Variants in MEF2C observed in about 807,000 individuals in gnomAD.
The protein encoded by MEF2C is myocyte-specific enhancer factor 2C.
Under a neutral mutation model 50.5 loss-of-function variants are expected in MEF2C, and 6 were observed. The observed-to-expected ratio is 0.12, with a 90% CI of 0.07 to 0.23. The LOEUF is 0.23. Ranked by LOEUF, MEF2C falls within the 10% of genes least tolerant of loss-of-function variation. MEF2C has a pLI of 1.00. For missense variants in MEF2C, 276 were observed against 605.0 expected (o/e 0.46, Z 5.70); for synonymous variants, 183 against 228.0 (o/e 0.80, Z 1.78).
intron 1 of MEF2C, among the ~76,000 whole-genome samples, chr5:88,866,179 A>G (rs1827308793): frequency 6.6e-6 from 1 of 152,216 alleles, no homozygotes; most frequent in Non-Finnish European, 1.5e-5. Flanking sequence ...TACAGGAGTG[A>G]GCCACCGCGC....
At chr5:88,829,768 T>C (rs1812328440) in intron 1 of MEF2C, among the ~76,000 whole-genome samples, 1 of 152,024 alleles carries the variant, frequency 6.6e-6, no homozygotes. Flanking sequence ...AATTCTAGCT[T>C]GGTACTTGGA....
At chr5:88,896,623 G>A (rs1274308111) in intron 1 of MEF2C, among the ~76,000 whole-genome samples, 4 of 152,064 alleles carry the variant, frequency 2.6e-5, no homozygotes, top group Admixed American at 2.0e-4. Flanking sequence ...TTTAAATAAA[G>A]AGTATCCATA....
chr5:88,742,880 G>T (rs1346112039), intron 6 of MEF2C: 16 of 984,750 alleles, frequency 1.6e-5, no homozygotes, highest in Non-Finnish European at 1.8e-5. Context: ...TATCTAATTT[G>T]AGGACTAGGT....
intron 3 of MEF2C, among the ~76,000 whole-genome samples, chr5:88,799,548 A>T (rs1434853512): frequency 6.6e-6 from 1 of 152,216 alleles, no homozygotes; most frequent in Non-Finnish European, 1.5e-5. Context: ...CTTTTCAACA[A>T]AAATTGTATT....
At chr5:88,900,128 C>A (rs973809592) in intron 1 of MEF2C, among the ~76,000 whole-genome samples, 3 of 151,982 alleles carry the variant, frequency 2.0e-5, no homozygotes, top group African/African-American at 7.2e-5. Flanking sequence ...AGTTTCTTTT[C>A]TGGAGATCCA....
At chr5:88,767,685 T>C (rs1211451485) in intron 3 of MEF2C, among the ~76,000 whole-genome samples, 1 of 152,218 alleles carries the variant, frequency 6.6e-6, no homozygotes, top group East Asian at 1.9e-4. Flanking sequence ...TTTATATGCT[T>C]CCTCAAAAGA....
intron 1 of MEF2C, among the ~76,000 whole-genome samples, chr5:88,843,800 T>A (rs2153347239): frequency 6.7e-6 from 1 of 148,548 alleles, no homozygotes; most frequent in East Asian, 2.0e-4. Context: ...TTTGTTCCTG[T>A]GAAACTTTTT....
intron 2 of MEF2C, among the ~76,000 whole-genome samples, chr5:88,818,049 AC>A (rs1318100825): frequency 2.0e-5 from 3 of 152,112 alleles, no homozygotes; most frequent in Non-Finnish European, 2.9e-5. Context: ...AAGGATGACT[AC>A]AGTTAATATA....
At chr5:88,866,067 T>G (rs1827266670) in intron 1 of MEF2C, among the ~76,000 whole-genome samples, 1 of 152,082 alleles carries the variant, frequency 6.6e-6, no homozygotes, top group African/African-American at 2.4e-5. Flanking sequence ...GGCTAATTTT[T>G]TGTATTTTTT....
chr5:88,854,833 C>G (rs1399214535), intron 1 of MEF2C, among the ~76,000 whole-genome samples: 10 of 152,140 alleles, frequency 6.6e-5, no homozygotes, highest in African/African-American at 2.4e-4. Context: ...TTACTGAAGT[C>G]ACAAAAGTTG....
intron 5 of MEF2C, chr5:88,750,111 C>T: frequency 1.2e-6 from 1 of 839,176 alleles, no homozygotes; most frequent in African/African-American, 1.8e-5. Flanking sequence ...TCTAGATTTT[C>T]TAATTGCCTC....
intron 1 of MEF2C, among the ~76,000 whole-genome samples, chr5:88,849,615 C>A (rs1820567667): frequency 6.6e-6 from 1 of 152,140 alleles, no homozygotes; most frequent in South Asian, 2.1e-4. Flanking sequence ...CTGTTTCAGG[C>A]AAATGAATCT....
intron 3 of MEF2C, chr5:88,775,901 T>G: frequency 5.8e-6 from 4 of 691,702 alleles, no homozygotes; most frequent in Non-Finnish European, 5.3e-6. Flanking sequence ...GACTAGGCCC[T>G]CAGTATGACT....
chr5:88,817,595 G>T (rs1346426931), intron 2 of MEF2C, among the ~76,000 whole-genome samples: 1 of 151,924 alleles, frequency 6.6e-6, no homozygotes, highest in Non-Finnish European at 1.5e-5. Context: ...ATTGTCTTTA[G>T]TTTGTGCTCC....
intron 5 of MEF2C, chr5:88,751,213 A>G (rs1166607019): frequency 1.0e-6 from 1 of 984,086 alleles, no homozygotes; most frequent in Non-Finnish European, 1.2e-6. Context: ...TTTTCTGAGA[A>G]ATAATTTATT....
intron 1 of MEF2C, among the ~76,000 whole-genome samples, chr5:88,834,198 T>A (rs1304096928): frequency 6.6e-6 from 1 of 152,060 alleles, no homozygotes; most frequent in African/African-American, 2.4e-5. Context: ...GGCACACACA[T>A]GGAGTTCAGG....
intron 1 of MEF2C, among the ~76,000 whole-genome samples, chr5:88,889,655 G>A (rs1183244027): frequency 1.3e-5 from 2 of 151,962 alleles, no homozygotes; most frequent in Non-Finnish European, 1.5e-5. Flanking sequence ...TGGAAGTCAC[G>A]GCTGGGGGAA....
At chr5:88,848,247 T>G (rs1820025361) in intron 1 of MEF2C, among the ~76,000 whole-genome samples, 1 of 152,210 alleles carries the variant, frequency 6.6e-6, no homozygotes, top group South Asian at 2.1e-4. Context: ...AACTTAATAA[T>G]GATCTGTATT....
chr5:88,731,577 A>G (rs1761654788), intron 7 of MEF2C, 152 bp downstream of exon 7: 1 of 677,696 alleles, frequency 1.5e-6, no homozygotes, highest in African/African-American at 1.8e-5. Context: ...ACCAGAAATA[A>G]TAGCTAAATA....
Sources: allele counts gnomAD v4.1 joint callset (sites outside exome capture counted in the v4.1 genomes callset), GRCh38; gene constraint gnomAD v4.1.1; transcripts MANE v1.5; gene names NCBI Gene and HGNC (gene_info 2026-07-23, HGNC 2026-07-21).